FAM78B: variants seen among roughly 807,000 people sequenced by gnomAD.
The protein encoded by FAM78B is family with sequence similarity 78 member B.
In FAM78B, 10 loss-of-function variants were observed where a neutral mutation model predicts 20.0. The observed-to-expected ratio is 0.50, with a 90% CI of 0.31 to 0.85. FAM78B has a LOEUF of 0.85. Among genes scored for constraint, FAM78B ranks in the 40% least tolerant of loss-of-function variants. The pLI is 0.05. For synonymous variants in FAM78B, 135 were observed against 132.8 expected (o/e 1.02, Z -0.12); for missense variants, 283 against 345.0 (o/e 0.82, Z 1.42).
At chr1:166,067,869 G>T (rs1221711241), downstream of FAM78B, among the ~76,000 whole-genome samples, 1 of 151,996 alleles carries the variant, frequency 6.6e-6, no homozygotes. Context: ...AACTGCTGTG[G>T]GGGTAATTTC....
chr1:166,124,104 C>A (rs1654558612), intron 1 of FAM78B, among the ~76,000 whole-genome samples: 1 of 152,218 alleles, frequency 6.6e-6, no homozygotes, highest in Non-Finnish European at 1.5e-5. Flanking sequence ...GCCACCATAG[C>A]AAAACCAATC....
intron 1 of FAM78B, among the ~76,000 whole-genome samples, chr1:166,083,640 G>A (rs984064947): frequency 1.3e-5 from 2 of 152,142 alleles, no homozygotes; most frequent in Non-Finnish European, 2.9e-5. Flanking sequence ...GAGTAGCTAG[G>A]ACTACACGTG....
chr1:166,154,217 C>A (rs190132868), intron 1 of FAM78B, among the ~76,000 whole-genome samples: 1 of 152,200 alleles, frequency 6.6e-6, no homozygotes, highest in Non-Finnish European at 1.5e-5. Context: ...TAGGAAGATA[C>A]CTTGCCTGTG....
intron 1 of FAM78B, among the ~76,000 whole-genome samples, chr1:166,129,015 T>C (rs1654771210): frequency 6.6e-6 from 1 of 152,166 alleles, no homozygotes; most frequent in Admixed American, 6.5e-5. Flanking sequence ...GGTCACCTGC[T>C]GGGGGGCCAA....
At chr1:166,081,506 G>C (rs1244012513) in intron 1 of FAM78B, among the ~76,000 whole-genome samples, 1 of 152,186 alleles carries the variant, frequency 6.6e-6, no homozygotes, top group Non-Finnish European at 1.5e-5. Context: ...ACACAGAGAA[G>C]CAGTGTTCTC....
At chr1:166,059,007 GC>G in exon 3 of FAM78B, 1 of 152,586 alleles carries the variant, frequency 6.6e-6, no homozygotes, top group Admixed American at 6.5e-5. Context: ...AATGGCCAAG[GC>G]TTGGGTTATA....
chr1:166,152,165 C>T (rs2101798795), intron 1 of FAM78B, among the ~76,000 whole-genome samples: 1 of 152,272 alleles, frequency 6.6e-6, no homozygotes, highest in Non-Finnish European at 1.5e-5. Context: ...AGCTCCTCCC[C>T]TCTCTGGAAT....
intron 2 of FAM78B, among the ~76,000 whole-genome samples, chr1:166,062,834 A>G (rs1013262076): frequency 6.6e-6 from 1 of 152,196 alleles, no homozygotes; most frequent in African/African-American, 2.4e-5. Flanking sequence ...TCCAATTAAC[A>G]TTTCATTGGA....
At chr1:166,124,137 C>G (rs1272880412) in intron 1 of FAM78B, among the ~76,000 whole-genome samples, 3 of 152,228 alleles carry the variant, frequency 2.0e-5, no homozygotes, top group Non-Finnish European at 4.4e-5. Flanking sequence ...CCAGCACACA[C>G]CAGTCTGCTT....
intron 1 of FAM78B, among the ~76,000 whole-genome samples, chr1:166,150,308 G>C (rs544770204): frequency 2.6e-5 from 4 of 152,204 alleles, no homozygotes; most frequent in Admixed American, 1.3e-4. Flanking sequence ...AGAAACCTCA[G>C]TTCTTTTTAT....
intron 1 of FAM78B, among the ~76,000 whole-genome samples, chr1:166,112,963 A>G (rs1450112606): frequency 6.6e-6 from 1 of 152,236 alleles, no homozygotes; most frequent in Non-Finnish European, 1.5e-5. Flanking sequence ...CTTAAAGTGC[A>G]TTGTTCAATT....
intron 1 of FAM78B, among the ~76,000 whole-genome samples, chr1:166,105,269 C>A (rs1349214949): frequency 1.3e-5 from 2 of 152,192 alleles, no homozygotes; most frequent in South Asian, 4.1e-4. Flanking sequence ...AAAACCTAGG[C>A]AATACCAGTC....
At chr1:166,115,126 G>T (rs1654207835) in intron 1 of FAM78B, among the ~76,000 whole-genome samples, 1 of 152,324 alleles carries the variant, frequency 6.6e-6, no homozygotes, top group East Asian at 1.9e-4. Context: ...AGTCTACTGA[G>T]TGCCAGAGAC....
In FAM78B at chr1:166,069,347, A is replaced by G. The variant is rs1241775698; in HGVS notation, c.*894T>C. ...TTGCTGAAATGTTCTTGAACCTTAC[A>G]TGGATTCATGGCTCATAACTTTTTA... is the stretch of plus-strand genomic sequence containing the variant. On this transcript the variant is annotated 3_prime_UTR_variant, in exon 2 of 2. Transcript: ENST00000354422. Among the ~76,000 whole-genome samples, 2 of 152,204 alleles carry G rather than the reference A, an allele frequency of 1.3e-5. No individual in the cohort carries two copies. Among genetic ancestry groups the G allele is most frequent in the South Asian group, 2.1e-4 (1 of 4,834 alleles).
chr1:166,137,710 G>A (rs756323999), intron 1 of FAM78B, among the ~76,000 whole-genome samples: 30 of 152,176 alleles, frequency 2.0e-4, no homozygotes, highest in Admixed American at 5.9e-4. Context: ...CCATGTTCTT[G>A]CTGTTGTACT....
intron 1 of FAM78B, among the ~76,000 whole-genome samples, chr1:166,141,608 A>G (rs1234245587): frequency 6.6e-6 from 1 of 152,216 alleles, no homozygotes; most frequent in Non-Finnish European, 1.5e-5. Context: ...AAGCTCTGCA[A>G]AGGAGGCATG....
At chr1:166,088,487 C>T (rs1043609304) in intron 1 of FAM78B, among the ~76,000 whole-genome samples, 1 of 152,208 alleles carries the variant, frequency 6.6e-6, no homozygotes, top group Non-Finnish European at 1.5e-5. Context: ...CACTCAGCAG[C>T]ATGACTGTCA....
At chr1:166,131,731 A>C (rs1654885354) in intron 1 of FAM78B, among the ~76,000 whole-genome samples, 1 of 152,210 alleles carries the variant, frequency 6.6e-6, no homozygotes, top group Non-Finnish European at 1.5e-5. Context: ...CCTTAGAAGA[A>C]AATAGTAAAC....
intron 2 of FAM78B, among the ~76,000 whole-genome samples, chr1:166,061,708 T>A (rs1651605118): frequency 6.6e-6 from 1 of 152,260 alleles, no homozygotes; most frequent in Admixed American, 6.5e-5. Context: ...TGCTCTTTGG[T>A]GCCACTTCCC....
Sources: gnomAD v4.1 joint callset for allele counts (sites outside exome capture counted in the v4.1 genomes callset) on GRCh38, gnomAD v4.1.1 for gene constraint, MANE v1.5 for transcripts, NCBI Gene and HGNC (gene_info 2026-07-23, HGNC 2026-07-21) for gene names.